PTPRK: variants seen among roughly 807,000 people sequenced by gnomAD.
The protein encoded by PTPRK is protein tyrosine phosphatase receptor type K.
Under a neutral mutation model 178.0 loss-of-function variants are expected in PTPRK, and 75 were observed. The observed-to-expected ratio is 0.42, with a 90% CI of 0.35 to 0.51. PTPRK has a LOEUF of 0.51. Ranked by LOEUF, PTPRK falls within the 20% of genes least tolerant of loss-of-function variation. The pLI is 0.02. For synonymous variants in PTPRK, 637 were observed against 620.6 expected (o/e 1.03, Z -0.39); for missense variants, 1,441 against 1,797.8 (o/e 0.80, Z 3.59).
At chr6:128,136,510 T>C (rs941912729) in intron 7 of PTPRK, among the ~76,000 whole-genome samples, 1 of 152,182 alleles carries the variant, frequency 6.6e-6, no homozygotes, top group Non-Finnish European at 1.5e-5. Flanking sequence ...TATGAAGTTG[T>C]ATAAGGGTAT....
At chr6:128,251,944 T>C (rs1417075799) in intron 3 of PTPRK, among the ~76,000 whole-genome samples, 1 of 152,156 alleles carries the variant, frequency 6.6e-6, no homozygotes, top group African/African-American at 2.4e-5. Context: ...CAGAGTGCAG[T>C]TGCATGAAAA....
intron 7 of PTPRK, among the ~76,000 whole-genome samples, chr6:128,110,428 G>C (rs887452943): frequency 1.3e-5 from 2 of 152,044 alleles, no homozygotes; most frequent in Non-Finnish European, 2.9e-5. Flanking sequence ...TCATTTAACA[G>C]CTGAACAAGC....
At chr6:128,126,088 T>A (rs1175868120) in intron 7 of PTPRK, among the ~76,000 whole-genome samples, 2 of 152,094 alleles carry the variant, frequency 1.3e-5, no homozygotes, top group South Asian at 2.1e-4. Flanking sequence ...CTGGGATACA[T>A]GTGCAGAACA....
chr6:128,199,782 T>C (rs562428938), intron 6 of PTPRK, among the ~76,000 whole-genome samples: 40 of 152,312 alleles, frequency 2.6e-4, no homozygotes, highest in Admixed American at 5.9e-4. Context: ...TGAAAATTCC[T>C]AAATCAATCA....
rs1212049623 is a variant in PTPRK, at chr6:128,464,654, T to C, written c.100+55605A>G. 2.1e-3 allele frequency among the ~76,000 whole-genome samples: 231 copies of C among 111,294 alleles called. 3 individuals are homozygous for C. The highest frequency in any genetic ancestry group is 0.012 in the Middle Eastern group (3 of 250). 73.0% of individuals were successfully genotyped at this position (111,294 alleles called of 152,430 possible). A position where few individuals can be genotyped will look rare whatever the true frequency, so the allele number is the denominator to read the frequency against. On this transcript the variant is annotated intron_variant, in intron 1 of 29. Coordinates refer to ENST00000368226, the MANE Select transcript of PTPRK (RefSeq NM_002844.4). ...ATATATACACATATATATATATATA[T>C]ATATATATATATATATATATACAAC...
chr6:128,009,327 T>A (rs1443226667), intron 13 of PTPRK, 59 bp from the exon 14 acceptor site: 1 of 1,513,728 alleles, frequency 6.6e-7, no homozygotes. Context: ...CAGAAAAAAA[T>A]TATTCCCAGT....
At chr6:128,127,023 A>T (rs969367508) in intron 7 of PTPRK, among the ~76,000 whole-genome samples, 5 of 151,958 alleles carry the variant, frequency 3.3e-5, no homozygotes, top group Admixed American at 3.3e-4. Context: ...TGTTTTGCTA[A>T]TTTGCAGTGT....
rs181688210 is a variant in PTPRK, at chr6:128,275,048, T to A, written c.496-32446A>T. Reference sequence around the variant, plus strand: ...TGTGCGATTGCAATATACCAAATGTTAGAATGAACACTTACCATGCATATT... The same window carrying A: ...TGTGCGATTGCAATATACCAAATGTAAGAATGAACACTTACCATGCATATT... On this transcript the variant is annotated intron_variant, in intron 3 of 29. Coordinates refer to ENST00000368226, the MANE Select transcript of PTPRK (RefSeq NM_002844.4). Among the ~76,000 whole-genome samples, 3 of 152,128 alleles carry A rather than the reference T, an allele frequency of 2.0e-5. No individual in the cohort carries two copies. The East Asian group carries it at 5.8e-4, about 29-fold the overall frequency.
intron 6 of PTPRK, among the ~76,000 whole-genome samples, chr6:128,212,667 A>T (rs1032505729): frequency 2.6e-5 from 4 of 152,148 alleles, no homozygotes; most frequent in East Asian, 3.9e-4. Flanking sequence ...ATCCTTTTCA[A>T]ATTCTTAAGA....
intron 7 of PTPRK, among the ~76,000 whole-genome samples, chr6:128,103,392 C>T (rs1044729296): frequency 4.6e-5 from 7 of 152,160 alleles, no homozygotes; most frequent in African/African-American, 1.7e-4. Flanking sequence ...AGCTGATTAA[C>T]ACTTAAGCCA....
At chr6:128,125,964 T>C (rs2114428875) in intron 7 of PTPRK, among the ~76,000 whole-genome samples, 1 of 152,264 alleles carries the variant, frequency 6.6e-6, no homozygotes, top group Non-Finnish European at 1.5e-5. Flanking sequence ...ATTTAGCGTT[T>C]TCAGACTGAC....
At position 128,439,358 on chromosome 6, in the gene PTPRK, G is replaced by A. The variant is rs770594910; in HGVS notation, c.101-41670C>T. Among the ~76,000 whole-genome samples the A allele has an allele frequency of 2.0e-5, 3 of 152,118 alleles. No homozygotes were observed. The East Asian group carries it at 5.8e-4, about 29-fold the overall frequency. ...ACCATTGAGTACCCAGTCAAGAACA[G>A]AGTCTGGCCAATATATTTTTTAATA... On this transcript the variant is annotated intron_variant, in intron 1 of 29. Coordinates refer to ENST00000368226, the MANE Select transcript of PTPRK (RefSeq NM_002844.4).
chr6:128,112,250 T>G (rs1324114413), intron 7 of PTPRK, among the ~76,000 whole-genome samples: 1 of 152,110 alleles, frequency 6.6e-6, no homozygotes, highest in Non-Finnish European at 1.5e-5. Flanking sequence ...GTACTTAGTT[T>G]GAATCACACT....
intron 7 of PTPRK, among the ~76,000 whole-genome samples, chr6:128,139,715 T>C (rs543327607): frequency 1.3e-5 from 2 of 152,162 alleles, no homozygotes; most frequent in Non-Finnish European, 2.9e-5. Context: ...ATGAGTCATC[T>C]GGACTTCAGA....
At chr6:128,004,152 A>C (rs1469115315) in intron 15 of PTPRK, among the ~76,000 whole-genome samples, 1 of 151,794 alleles carries the variant, frequency 6.6e-6, no homozygotes, top group African/African-American at 2.4e-5. Flanking sequence ...ATGTTTTCCA[A>C]ACCGGGGTGA....
intron 2 of PTPRK, among the ~76,000 whole-genome samples, chr6:128,358,722 G>A (rs1285521760): frequency 6.6e-6 from 1 of 152,292 alleles, no homozygotes; most frequent in East Asian, 1.9e-4. Flanking sequence ...GATAAATCAT[G>A]CAAATAGAAC....
At chr6:128,356,798 G>A (rs1346776611) in intron 2 of PTPRK, among the ~76,000 whole-genome samples, 1 of 152,130 alleles carries the variant, frequency 6.6e-6, no homozygotes, top group East Asian at 1.9e-4. Context: ...AACAATAGGG[G>A]TCTGGAACTA....
At chr6:127,980,143 T>A (rs1328572593) in intron 25 of PTPRK, among the ~76,000 whole-genome samples, 1 of 152,182 alleles carries the variant, frequency 6.6e-6, no homozygotes, top group African/African-American at 2.4e-5. Context: ...AAACCCCATC[T>A]CTACTAAATA....
intron 2 of PTPRK, among the ~76,000 whole-genome samples, chr6:128,353,613 C>T (rs534402274): frequency 6.6e-6 from 1 of 152,300 alleles, no homozygotes; most frequent in African/African-American, 2.4e-5. Context: ...ATAGTACATA[C>T]ATACCATATA....
Sources: allele counts gnomAD v4.1 joint callset (sites outside exome capture counted in the v4.1 genomes callset), GRCh38; gene constraint gnomAD v4.1.1; transcripts MANE v1.5; gene names NCBI Gene and HGNC (gene_info 2026-07-23, HGNC 2026-07-21).